Variants in CALN1 observed in about 807,000 individuals in gnomAD.
CALN1 encodes the protein calneuron 1, also known as calcium-binding protein 8.
A neutral mutation model predicts 30.6 loss-of-function variants in CALN1; 17 were observed. The ratio of observed to expected loss-of-function variants is 0.56; its 90% confidence interval spans 0.38 to 0.83. The LOEUF (loss-of-function observed/expected upper bound fraction) is 0.83, where lower values mean the gene tolerates loss of function less well. Ranked by LOEUF, CALN1 falls within the 40% of genes least tolerant of loss-of-function variation. The probability of loss-of-function intolerance (pLI) is 0.00; values close to 1 mark genes in which losing one functional copy is unlikely to be tolerated. For synonymous variants in CALN1, 156 were observed against 131.4 expected, an observed-to-expected ratio of 1.19 and a Z score of -1.28; for missense variants, 291 against 354.9, an observed-to-expected ratio of 0.82 and a Z score of 1.45.
At chr7:72,128,848 G>A (rs1406238885) in intron 3 of CALN1, among the ~76,000 whole-genome samples, 3 of 152,108 alleles carry the variant, frequency 2.0e-5, no homozygotes, top group African/African-American at 7.2e-5. Context: ...CTTCAGCCTG[G>A]GCAACAAGAG....
intron 4 of CALN1, among the ~76,000 whole-genome samples, chr7:72,066,473 C>A (rs1422281913): frequency 2.0e-5 from 3 of 152,072 alleles, no homozygotes; most frequent in Admixed American, 6.6e-5. Flanking sequence ...GTCTAAGGCA[C>A]TCATTTTCCT....
intron 4 of CALN1, among the ~76,000 whole-genome samples, chr7:72,081,433 G>GTGT (rs367954300): frequency 2.2e-5 from 3 of 136,974 alleles, no homozygotes; most frequent in African/African-American, 2.7e-5. Flanking sequence ...GTTTGTTTTT[G>GTGT]GTGTGTGTGT....
At chr7:72,499,763 AACTT>A in the CALN1 span, among the ~76,000 whole-genome samples, 7 of 145,978 alleles carry the variant, frequency 4.8e-5, no homozygotes, top group African/African-American at 1.6e-4. Context: ...ACTTCCGCAA[AACTT>A]TCTTTCTTTC....
At chr7:72,487,738 G>GAAAGAAAGA in the CALN1 span, among the ~76,000 whole-genome samples, 104 of 43,200 alleles carry the variant, frequency 2.4e-3, 2 homozygotes, top group African/African-American at 0.011. Flanking sequence ...AGAAAGAAAG[G>GAAAGAAAGA]AAGGAAGGAA....
chr7:72,263,806 A>G (rs912604359), intron 3 of CALN1, among the ~76,000 whole-genome samples: 3 of 152,192 alleles, frequency 2.0e-5, no homozygotes, highest in African/African-American at 7.2e-5. Flanking sequence ...CTATGTGCCT[A>G]TCATTTCACT....
chr7:72,125,667 T>C (rs1048250659), intron 3 of CALN1, among the ~76,000 whole-genome samples: 1 of 152,114 alleles, frequency 6.6e-6, no homozygotes, highest in Non-Finnish European at 1.5e-5. Flanking sequence ...GGATAAGTTC[T>C]TTAGTGGTGA....
the CALN1 span, among the ~76,000 whole-genome samples, chr7:72,453,645 T>G: frequency 6.6e-6 from 1 of 152,218 alleles, no homozygotes; most frequent in Non-Finnish European, 1.5e-5. Context: ...CCTGTGCAAC[T>G]AATCATCTGT....
intron 5 of CALN1, among the ~76,000 whole-genome samples, chr7:71,958,065 C>CAAAAAAAAAAAAAAAAAAAAA (rs56355838): frequency 1.1e-5 from 1 of 93,874 alleles, no homozygotes; most frequent in Non-Finnish European, 2.1e-5. Context: ...AACTCCATCT[C>CAAAAAAAAAAAAAAAAAAAAA]AAAAAAAAAA....
At chr7:72,242,791 G>C (rs1304832286) in intron 3 of CALN1, among the ~76,000 whole-genome samples, 1 of 152,182 alleles carries the variant, frequency 6.6e-6, no homozygotes, top group East Asian at 1.9e-4. Flanking sequence ...AGGAGGCTGA[G>C]GCAGGAGAAT....
At chr7:72,264,903 A>C (rs191076554) in intron 3 of CALN1, among the ~76,000 whole-genome samples, 10 of 152,250 alleles carry the variant, frequency 6.6e-5, no homozygotes, top group African/African-American at 2.2e-4. Context: ...TGTTCTCATC[A>C]TTTAGCTCCA....
At chr7:71,991,320 G>A (rs1385162320) in intron 5 of CALN1, among the ~76,000 whole-genome samples, 7 of 151,986 alleles carry the variant, frequency 4.6e-5, no homozygotes, top group Non-Finnish European at 8.8e-5. Context: ...TTAGCCAGAT[G>A]TGGTGGTGGG....
At chr7:72,118,298 C>A (rs893614914) in intron 3 of CALN1, among the ~76,000 whole-genome samples, 1 of 152,090 alleles carries the variant, frequency 6.6e-6, no homozygotes, top group Non-Finnish European at 1.5e-5. Flanking sequence ...TGGTCAAAAT[C>A]ACATCTTTAA....
In CALN1 at chr7:72,334,617, G is replaced by A. The variant is rs78423187; in HGVS notation, c.120-55807C>T. On this transcript the variant is annotated intron_variant, in intron 2 of 6. Coordinates refer to ENST00000395275, the MANE Select transcript of CALN1 (RefSeq NM_031468.4). ...GAAGCAGCTGAATTAAATTATTTTC[G>A]TTCTAAAAAGCCCTTATCCTGCACC... 4.1e-3 allele frequency among the ~76,000 whole-genome samples: 617 copies of A among 152,030 alleles called. 3 individuals are homozygous for A. The highest frequency in any genetic ancestry group is 0.014 in the African/African-American group (589 of 41,414).
At chr7:72,198,624 T>C (rs959588376) in intron 3 of CALN1, among the ~76,000 whole-genome samples, 2 of 152,010 alleles carry the variant, frequency 1.3e-5, no homozygotes, top group African/African-American at 2.4e-5. Context: ...CCAGCAATTC[T>C]ACCTTCTACC....
chr7:71,804,730 G>C (rs1025163860), intron 6 of CALN1, among the ~76,000 whole-genome samples: 1 of 152,154 alleles, frequency 6.6e-6, no homozygotes, highest in African/African-American at 2.4e-5. Flanking sequence ...GAGGTGGGCA[G>C]ATGGGCAGAT....
chr7:71,842,925 T>C (rs868749773), intron 5 of CALN1, among the ~76,000 whole-genome samples: 14 of 152,186 alleles, frequency 9.2e-5, no homozygotes, highest in Admixed American at 7.9e-4. Flanking sequence ...ATACTTTACA[T>C]GACTGTAAAT....
intron 5 of CALN1, among the ~76,000 whole-genome samples, chr7:71,900,095 A>C (rs1251961761): frequency 6.6e-6 from 1 of 152,246 alleles, no homozygotes. Context: ...CGAAGATGAA[A>C]ATACAAAGGA....
At chr7:72,496,218 G>A in the CALN1 span, among the ~76,000 whole-genome samples, 5 of 152,026 alleles carry the variant, frequency 3.3e-5, no homozygotes, top group Admixed American at 6.6e-5. Flanking sequence ...CACCATGCCC[G>A]GCCTCATTCC....
chr7:72,271,575 A>AAAAAAAAAAAAAAAAAAAAAT, intron 3 of CALN1, among the ~76,000 whole-genome samples: 5 of 52,126 alleles, frequency 9.6e-5, no homozygotes, highest in African/African-American at 6.7e-4. Flanking sequence ...AAAAAAAAAA[A>AAAAAAAAAAAAAAAAAAAAAT]ATATATATAT....
Sources: gnomAD v4.1 joint callset for allele counts (sites outside exome capture counted in the v4.1 genomes callset) on GRCh38, gnomAD v4.1.1 for gene constraint, MANE v1.5 for transcripts, NCBI Gene and HGNC (gene_info 2026-07-23, HGNC 2026-07-21) for gene names.